Variants in UPF3A observed in about 807,000 individuals in gnomAD.
The protein encoded by UPF3A is regulator of nonsense transcripts 3A.
Under a neutral mutation model 53.5 loss-of-function variants are expected in UPF3A, and 42 were observed. The ratio of observed to expected loss-of-function variants is 0.78; its 90% CI spans 0.61 to 1.01. The LOEUF is 1.01. UPF3A is among the 50% of genes least tolerant of loss of function. UPF3A has a pLI of 0.00. For synonymous variants in UPF3A, 237 were observed against 225.3 expected, an observed-to-expected ratio of 1.05 and a Z score of -0.47; for missense variants, 575 against 598.0, an observed-to-expected ratio of 0.96 and a Z score of 0.40.
intron 7 of UPF3A, among the ~76,000 whole-genome samples, chr13:114,297,083 C>T (rs1345189504): frequency 1.3e-5 from 2 of 152,146 alleles, no homozygotes; most frequent in Non-Finnish European, 2.9e-5. Flanking sequence ...TTGCATGATG[C>T]GTTGTGTTCC....
Position 114,289,225 on chromosome 13 carries a change from G to A in UPF3A, c.632-2264G>A, listed in dbSNP as rs1029390323. 2.0e-5 allele frequency among the ~76,000 whole-genome samples: 3 copies of A among 152,070 alleles called. No homozygotes were observed. In the South Asian group the frequency reaches 6.2e-4, roughly 32 times the overall value. On this transcript the variant is annotated intron_variant, in intron 5 of 9. Transcript: ENST00000375299. ...TTGTTTCTGTGATTGCTGTTTCTAT[G>A]TATGAAAAATTGAAACTTGGCCGGG...
rs752664124 is a variant in UPF3A at position 114,301,968 on chromosome 13, A to G, written c.1245A>G (p.Gly415=). The G allele has an allele frequency of 1.2e-6, 2 of 1,606,914 alleles. No individual in the cohort carries two copies. The highest frequency in any genetic ancestry group is 2.2e-5 in the East Asian group (1 of 44,780). ...GAPGEAMERL[G]RAQRCDDSPA... ...CGGGGGAGGCCATGGAGAGACTGGG[A>G]AGAGCGCAGAGGTGTGACGACAGTC... Residue 415 remains glycine, a synonymous_variant, in exon 9 of 10, where the codon GGA becomes GGG. Coordinates refer to ENST00000375299, the MANE Select transcript of UPF3A (RefSeq NM_023011.4).
intron 5 of UPF3A, 82 bp downstream of exon 5, chr13:114,286,711 T>C: frequency 1.7e-6 from 2 of 1,154,692 alleles, no homozygotes; most frequent in Non-Finnish European, 1.2e-6. Context: ...TTTTCTTGAC[T>C]GTGATAACAA....
intron 5 of UPF3A, among the ~76,000 whole-genome samples, chr13:114,291,168 A>G (rs1023533022): frequency 9.2e-5 from 14 of 152,246 alleles, no homozygotes; most frequent in African/African-American, 3.4e-4. Flanking sequence ...GGAAAACGAA[A>G]AAGTTCTCAG....
chr13:114,292,263 G>T (rs912520872), intron 7 of UPF3A, among the ~76,000 whole-genome samples: 37 of 149,378 alleles, frequency 2.5e-4, no homozygotes, highest in African/African-American at 8.7e-4. Context: ...TTCATTTTCA[G>T]CTCAAGGCGT....
chr13:114,305,422 T>G lies in UPF3A; in HGVS notation c.*505T>G. ...CCATGCCCGCAAAGCGTGCTGTGTT[T>G]TAGTCCTGGTAGGAATATTTATCAG... is the stretch of plus-strand genomic sequence containing the variant. On this transcript the variant is annotated 3_prime_UTR_variant, in exon 10 of 10. Transcript: ENST00000375299. The G allele has an allele frequency of 4.7e-6, 1 of 212,778 alleles. No homozygotes were observed. 13.2% of individuals were successfully genotyped at this position (212,778 alleles called of 1,614,324 possible). A position where few individuals can be genotyped will look rare whatever the true frequency, so the allele number is the denominator to read the frequency against.
At chr13:114,284,362 TGTGTATGTAC>T (rs1321043812) in intron 3 of UPF3A, among the ~76,000 whole-genome samples, 2 of 146,458 alleles carry the variant, frequency 1.4e-5, no homozygotes, top group Admixed American at 6.8e-5. Flanking sequence ...AAAATATGTA[TGTGTATGTAC>T]GTGTATGTAT....
intron 7 of UPF3A, among the ~76,000 whole-genome samples, 162 bp downstream of exon 7, chr13:114,291,954 G>A (rs1444222979): frequency 6.6e-6 from 1 of 152,004 alleles, no homozygotes; most frequent in Non-Finnish European, 1.5e-5. Context: ...CCATCCTACA[G>A]CAGTGGTTAT....
Position 114,283,163 on chromosome 13 carries a change from G to A in UPF3A, c.421+220G>A, listed in dbSNP as rs950050809. 3 of 400,984 alleles carry A rather than the reference G, an allele frequency of 7.5e-6. No homozygotes were observed. In the Admixed American group the frequency reaches 1.3e-4, roughly 18 times the overall value. 24.8% of individuals were successfully genotyped at this position (400,984 alleles called of 1,614,324 possible). A position where few individuals can be genotyped will look rare whatever the true frequency, so the allele number is the denominator to read the frequency against. The stretch of plus-strand genomic sequence containing the variant: ...CCTAGGTAGCAGGGACCACAGGCGT[G>A]TGCCACCATGATCGGCTGATTTAAA... On this transcript the variant is annotated intron_variant, in intron 3 of 9. Transcript: ENST00000375299.
rs190712941 is a variant in UPF3A, at chr13:114,299,074, G to T, written c.1007+74G>T. 6 of 1,402,972 alleles carry T rather than the reference G, an allele frequency of 4.3e-6. No homozygotes were observed. The African/African-American group carries it at 8.8e-5, about 21-fold the overall frequency. 86.9% of individuals were successfully genotyped at this position (1,402,972 alleles called of 1,614,324 possible). ...ACGTAGGCTTTGTCAGTATGAGTATGCCTATTTCACACTGTTCTTGGAATC... is the reference window on the plus strand; with the variant it reads ...ACGTAGGCTTTGTCAGTATGAGTATTCCTATTTCACACTGTTCTTGGAATC... On this transcript the variant is annotated intron_variant, in intron 8 of 9. Transcript: ENST00000375299.
rs567319837 is a variant in UPF3A, at chr13:114,292,234, C to T, written c.846+442C>T. On this transcript the variant is annotated intron_variant, in intron 7 of 9. Coordinates refer to ENST00000375299, the MANE Select transcript of UPF3A (RefSeq NM_023011.4). Reference sequence around the variant, plus strand: ...GTTCATTTTCGACTCAAGGCGTACACGTGCAGATGTGTCACATGTTCATTT... The same window carrying T: ...GTTCATTTTCGACTCAAGGCGTACATGTGCAGATGTGTCACATGTTCATTT... Among the ~76,000 whole-genome samples, 197 of 146,880 alleles carry T rather than the reference C, an allele frequency of 1.3e-3. 1 individual carries two copies. Among genetic ancestry groups the T allele is most frequent in the African/African-American group, 4.9e-3 (192 of 39,280 alleles).
intron 3 of UPF3A, 100 bp from the exon 4 acceptor site, chr13:114,286,202 C>G (rs990366758): frequency 1.4e-6 from 2 of 1,417,876 alleles, no homozygotes; most frequent in African/African-American, 2.9e-5. Flanking sequence ...AATGCATTGT[C>G]GTTGTTACAC....
At chr13:114,285,698 A>G (rs1007985084) in intron 3 of UPF3A, 1 of 152,336 alleles carries the variant, frequency 6.6e-6, no homozygotes, top group Admixed American at 6.5e-5. Flanking sequence ...AATGACTTCC[A>G]TTCTCTACTT....
intron 3 of UPF3A, chr13:114,283,544 C>T (rs979774169): frequency 6.3e-6 from 1 of 157,868 alleles, no homozygotes; most frequent in Non-Finnish European, 1.4e-5. Context: ...AGAACTTGAT[C>T]TTTTTAGGTT....
intron 3 of UPF3A, chr13:114,285,452 CCT>C (rs778289442): frequency 6.6e-6 from 1 of 152,276 alleles, no homozygotes; most frequent in East Asian, 1.9e-4. Flanking sequence ...CTGCCGTCCC[CCT>C]GAGTCTTGAC....
chr13:114,291,382 T>G, intron 5 of UPF3A, 107 bp from the exon 6 acceptor site: 1 of 1,100,236 alleles, frequency 9.1e-7, no homozygotes, highest in Non-Finnish European at 1.3e-6. Flanking sequence ...ATTTAAAAAG[T>G]AATGATATGG....
rs777523591 is a variant in UPF3A at position 114,301,973 on chromosome 13, C to T, written c.1250C>T (p.Ala417Val). 27 of 1,592,610 alleles carry T rather than the reference C, an allele frequency of 1.7e-5. No individual in the cohort carries two copies. Among genetic ancestry groups the T allele is most frequent in the South Asian group, 5.6e-5 (5 of 89,012 alleles). The change falls in exon 9 of 10, where the codon GCG (alanine) becomes GTG (valine). Residue 417 changes from alanine (A) to valine (V), a missense_variant. Around this residue, in one of 2 missense-constraint regions of UPF3A, gnomAD observed 323 missense variants for 415.2 expected, o/e 0.78. Transcript: ENST00000375299. ...PGEAMERLGRAQRCDDSPAPR... is the reference protein window; with the variant it reads ...PGEAMERLGRVQRCDDSPAPR... Reference sequence around the variant, plus strand: ...GAGGCCATGGAGAGACTGGGAAGAGCGCAGAGGTGTGACGACAGTCCAGCA... The same window carrying T: ...GAGGCCATGGAGAGACTGGGAAGAGTGCAGAGGTGTGACGACAGTCCAGCA...
At chr13:114,301,355 C>G (rs956452347) in intron 8 of UPF3A, among the ~76,000 whole-genome samples, 1 of 151,272 alleles carries the variant, frequency 6.6e-6, no homozygotes, top group Admixed American at 6.6e-5. Context: ...CCCAGCTACT[C>G]GGGAGGCTGA....
chr13:114,298,754 T>A, intron 7 of UPF3A, 86 bp from the exon 8 acceptor site: 1 of 1,278,020 alleles, frequency 7.8e-7, no homozygotes. Flanking sequence ...GCTTCAATAT[T>A]GGGGTATATT....
Sources: gnomAD v4.1 joint callset for allele counts (sites outside exome capture counted in the v4.1 genomes callset) on GRCh38, gnomAD v4.1.1 for gene constraint, gnomAD v4.1.1 regional missense constraint, MANE v1.5 for transcripts, NCBI Gene and HGNC (gene_info 2026-07-23, HGNC 2026-07-21) for gene names.